AGFG1: variants seen among roughly 807,000 people sequenced by gnomAD.
AGFG1 encodes arf-GAP domain and FG repeat-containing protein 1.
AGFG1 carries 10 observed loss-of-function variants against 60.6 expected under a neutral mutation model. That is an observed-to-expected ratio of 0.16 (90% CI 0.10 to 0.28). The LOEUF is 0.28. Ranked by LOEUF, AGFG1 falls within the 10% of genes least tolerant of loss-of-function variation. AGFG1 has a pLI of 1.00. For synonymous variants in AGFG1, 247 were observed against 242.9 expected, an observed-to-expected ratio of 1.02 and a Z score of -0.16; for missense variants, 537 against 676.5, an observed-to-expected ratio of 0.79 and a Z score of 2.29.
intron 10 of AGFG1, among the ~76,000 whole-genome samples, chr2:227,550,735 CTTGT>C (rs1432412885): frequency 6.6e-6 from 1 of 152,134 alleles, no homozygotes; most frequent in Non-Finnish European, 1.5e-5. Flanking sequence ...ACATCTATTA[CTTGT>C]TTTTCAGCTT....
chr2:227,547,190 T>C (rs1359540381), intron 10 of AGFG1, among the ~76,000 whole-genome samples: 1 of 152,202 alleles, frequency 6.6e-6, no homozygotes. Context: ...TCACTTCACT[T>C]GCCTAGCATA....
At chr2:227,517,939 A>G (rs1691703092) in intron 2 of AGFG1, among the ~76,000 whole-genome samples, 2 of 152,346 alleles carry the variant, frequency 1.3e-5, no homozygotes, top group African/African-American at 4.8e-5. Context: ...AACCACTACC[A>G]CAATAACAAG....
Position 227,553,000 on chromosome 2 carries a change from C to CAAAA in AGFG1, c.1538-686_1538-683dup, listed in dbSNP as rs5839220. The stretch of plus-strand genomic sequence containing the variant: ...GGGTGACAAGAGTGAAATTCCATCT[C>CAAAA]AAAAAAAAAAAAAAAAAAAAATCTG... On this transcript the variant is annotated intron_variant, in intron 11 of 12. Coordinates refer to ENST00000310078, the MANE Select transcript of AGFG1 (RefSeq NM_004504.5). Among the ~76,000 whole-genome samples the CAAAA allele has an allele frequency of 7.9e-4, 73 of 92,242 alleles. 2 individuals carry two copies. The highest frequency in any genetic ancestry group is 2.2e-3 in the African/African-American group (46 of 21,324). 60.5% of individuals were successfully genotyped at this position (92,242 alleles called of 152,430 possible).
chr2:227,524,612 C>T (rs1450986953), intron 4 of AGFG1, 150 bp from the exon 5 acceptor site: 3 of 815,070 alleles, frequency 3.7e-6, no homozygotes, highest in South Asian at 1.8e-5. Flanking sequence ...TCTCTGTTTT[C>T]ACAAAAGATT....
At chr2:227,476,606 G>A (rs1392550960) in intron 1 of AGFG1, among the ~76,000 whole-genome samples, 1 of 152,186 alleles carries the variant, frequency 6.6e-6, no homozygotes, top group African/African-American at 2.4e-5. Flanking sequence ...CTTATATTCT[G>A]TTGATTCTGT....
intron 2 of AGFG1, among the ~76,000 whole-genome samples, chr2:227,491,884 T>A (rs1253720884): frequency 2.6e-5 from 4 of 152,236 alleles, no homozygotes; most frequent in African/African-American, 9.6e-5. Context: ...CAGTCTTGAA[T>A]ATAAAAGGCG....
chr2:227,553,000 CAAAAAAAAA>C (rs5839220), intron 11 of AGFG1, among the ~76,000 whole-genome samples: 33 of 92,380 alleles, frequency 3.6e-4, no homozygotes, highest in South Asian at 1.2e-3. Context: ...AATTCCATCT[CAAAAAAAAA>C]AAAAAAAAAA....
intron 6 of AGFG1, among the ~76,000 whole-genome samples, chr2:227,531,854 G>A (rs1036519419): frequency 2.6e-5 from 4 of 152,104 alleles, no homozygotes; most frequent in African/African-American, 9.7e-5. Context: ...GGGGCAACAA[G>A]CCTGAGAAAA....
chr2:227,533,863 T>C (rs1692231276), intron 7 of AGFG1, 105 bp downstream of exon 7: 2 of 1,110,930 alleles, frequency 1.8e-6, no homozygotes, highest in Non-Finnish European at 2.5e-6. Flanking sequence ...TCAGTTGTTG[T>C]ATAGAAATTT....
rs1416874256 is a variant in AGFG1, at chr2:227,556,855, G to A, written c.*2360G>A. On this transcript the variant is annotated 3_prime_UTR_variant, in exon 13 of 13. Transcript: ENST00000310078. ...GAGGTGAGGTGGGAACATCACTTGAGCCCAGGAGTTGGAGGCTGCAGTGCG... is the reference window on the plus strand; with the variant it reads ...GAGGTGAGGTGGGAACATCACTTGAACCCAGGAGTTGGAGGCTGCAGTGCG... 2.0e-5 allele frequency: 3 copies of A among 152,108 alleles called. No individual in the cohort carries two copies. The highest frequency in any genetic ancestry group is 6.6e-5 in the Admixed American group (1 of 15,262). 9.4% of individuals were successfully genotyped at this position (152,108 alleles called of 1,614,324 possible).
In AGFG1 at chr2:227,549,476, CTCT is replaced by C. The variant is rs1171246872; in HGVS notation, c.1379-2478_1379-2476del. Among the ~76,000 whole-genome samples, 4 of 152,106 alleles carry C rather than the reference CTCT, an allele frequency of 2.6e-5. No individual in the cohort carries two copies. In the East Asian group the frequency reaches 5.8e-4, roughly 22 times the overall value. ...TACAAGATGCCTTTTTCTTTTTTCT[CTCT>C]TCTTTTCAGCCATTGTATTTTAACC... On this transcript the variant is annotated intron_variant, in intron 10 of 12. Transcript: ENST00000310078.
intron 2 of AGFG1, among the ~76,000 whole-genome samples, chr2:227,504,747 C>G (rs2106186806): frequency 6.6e-6 from 1 of 152,224 alleles, no homozygotes; most frequent in South Asian, 2.1e-4. Flanking sequence ...TTCCTAGGTC[C>G]TTTTCTGTAA....
Position 227,558,378 on chromosome 2 carries a change from G to T in AGFG1, c.*3883G>T, listed in dbSNP as rs939477519. 1.3e-5 allele frequency: 2 copies of T among 151,088 alleles called. No homozygotes were observed. Among genetic ancestry groups the T allele is most frequent in the Middle Eastern group, 3.2e-3 (1 of 314 alleles). The allele number at this position is 151,088 out of a possible 1,614,324, so 9.4% of individuals were successfully genotyped here. On this transcript the variant is annotated 3_prime_UTR_variant, in exon 13 of 13. Coordinates refer to ENST00000310078, the MANE Select transcript of AGFG1 (RefSeq NM_004504.5). ...TTCCTTTCATAATTTGATGAAATCAGTACAGTTTATTCTTGGTTTTTTTTT... is the reference window on the plus strand; with the variant it reads ...TTCCTTTCATAATTTGATGAAATCATTACAGTTTATTCTTGGTTTTTTTTT...
At chr2:227,496,664 C>T (rs1319257619) in intron 2 of AGFG1, among the ~76,000 whole-genome samples, 2 of 152,142 alleles carry the variant, frequency 1.3e-5, no homozygotes, top group Admixed American at 6.5e-5. Context: ...TTGGTAGTAA[C>T]TATAATACCT....
At chr2:227,479,440 G>T (rs556155329) in intron 1 of AGFG1, among the ~76,000 whole-genome samples, 1 of 152,248 alleles carries the variant, frequency 6.6e-6, no homozygotes, top group South Asian at 2.1e-4. Context: ...AAAGAATTAA[G>T]ACATTGTTTT....
Position 227,536,650 on chromosome 2 carries a change from G to A in AGFG1, c.1231G>A (p.Val411Ile). ...CAATGTTTTTGGAACAGTGCCAGTG[G>A]TTGCTTCTGCACAGACACAGCCTGC... ...SSNVFGTVPVVASAQTQPASS... is the reference protein window; with the variant it reads ...SSNVFGTVPVIASAQTQPASS... Residue 411 changes from valine (V) to isoleucine (I), a missense_variant, in exon 9 of 13, where the codon GTT (valine) becomes ATT (isoleucine). This residue lies in a region of AGFG1 where 287 missense variants were observed against 343.6 expected (regional missense o/e 0.84). Transcript: ENST00000310078. The A allele has an allele frequency of 6.2e-7, 1 of 1,613,396 alleles. No individual in the cohort carries two copies. Among genetic ancestry groups the A allele is most frequent in the East Asian group, 2.2e-5 (1 of 44,842 alleles).
At chr2:227,515,415 C>A (rs1321236155) in intron 2 of AGFG1, among the ~76,000 whole-genome samples, 3 of 152,146 alleles carry the variant, frequency 2.0e-5, no homozygotes, top group Admixed American at 2.0e-4. Flanking sequence ...AGCTCTCTGA[C>A]CACCACTGAT....
intron 2 of AGFG1, among the ~76,000 whole-genome samples, chr2:227,517,463 G>A (rs956475082): frequency 2.0e-5 from 3 of 152,128 alleles, no homozygotes; most frequent in African/African-American, 7.2e-5. Flanking sequence ...GTAGAGGTGG[G>A]GTTTCACCAT....
intron 2 of AGFG1, among the ~76,000 whole-genome samples, chr2:227,495,435 A>C (rs1690944633): frequency 6.6e-6 from 1 of 151,634 alleles, no homozygotes; most frequent in African/African-American, 2.4e-5. Context: ...AGTCCCGGCT[A>C]CCCAGGAGGC....
Sources: allele counts gnomAD v4.1 joint callset (sites outside exome capture counted in the v4.1 genomes callset), GRCh38; gene constraint gnomAD v4.1.1; regional missense constraint gnomAD v4.1.1; transcripts MANE v1.5; gene names NCBI Gene and HGNC (gene_info 2026-07-23, HGNC 2026-07-21).